MSH3: variants seen among roughly 807,000 people sequenced by gnomAD.
The protein encoded by MSH3 is mutS homolog 3.
In MSH3, 106 loss-of-function variants were observed where a neutral mutation model predicts 123.3. That is an observed-to-expected ratio of 0.86 (90% CI 0.73 to 1.01). The LOEUF is 1.01. Ranked by LOEUF, MSH3 falls within the 50% of genes least tolerant of loss-of-function variation. MSH3 has a pLI of 0.00. For synonymous variants in MSH3, 515 were observed against 481.4 expected, an observed-to-expected ratio of 1.07 and a Z score of -0.91; for missense variants, 1,459 against 1,347.6, an observed-to-expected ratio of 1.08 and a Z score of -1.29.
intron 17 of MSH3, among the ~76,000 whole-genome samples, chr5:80,785,614 C>A (rs1368461831): frequency 6.6e-6 from 1 of 152,192 alleles, no homozygotes; most frequent in African/African-American, 2.4e-5. Context: ...TGGGTATATA[C>A]CCATGACCCA....
At chr5:80,856,001 C>G (rs191368936) in intron 21 of MSH3, among the ~76,000 whole-genome samples, 1 of 151,420 alleles carries the variant, frequency 6.6e-6, no homozygotes, top group African/African-American at 2.4e-5. Flanking sequence ...CCTTCCACTT[C>G]GGCCTCCCGA....
intron 12 of MSH3, among the ~76,000 whole-genome samples, chr5:80,755,823 A>G (rs895572025): frequency 1.3e-5 from 2 of 152,130 alleles, no homozygotes; most frequent in African/African-American, 4.8e-5. Flanking sequence ...AACGTGAGAC[A>G]CTCAAAGGAC....
intron 2 of MSH3, among the ~76,000 whole-genome samples, chr5:80,661,328 C>G (rs1650683): frequency 6.6e-6 from 1 of 151,888 alleles, no homozygotes; most frequent in African/African-American, 2.4e-5. Context: ...GAGGCTCTTT[C>G]CATTTGTTTT....
chr5:80,675,087 G>A lies in MSH3; in HGVS notation c.1132G>A (p.Val378Ile), dbSNP rs1393216795. The A allele has an allele frequency of 1.9e-6, 3 of 1,613,604 alleles. No individual in the cohort carries two copies. The highest frequency in any genetic ancestry group is 1.3e-5 in the African/African-American group (1 of 74,858). Reference protein sequence around the residue: ...LLCISENKENVRDKKKGNIFI... With the variant: ...LLCISENKENIRDKKKGNIFI... The stretch of plus-strand genomic sequence containing the variant: ...GTGCATCTCTGAAAATAAGGAAAAT[G>A]TTAGGGACAAAAAAAAGGGCAACAT... Residue 378 changes from valine to isoleucine, a missense_variant, in exon 7 of 24, where the codon GTT becomes ATT. Val to Ile is a conservative substitution (Grantham distance 29, BLOSUM62 3). Coordinates refer to ENST00000265081, the MANE Select transcript of MSH3 (RefSeq NM_002439.5).
chr5:80,686,428 G>A (rs756413001), intron 8 of MSH3, among the ~76,000 whole-genome samples: 6 of 151,138 alleles, frequency 4.0e-5, no homozygotes, highest in African/African-American at 9.7e-5. Context: ...TCAGCCTCCC[G>A]AGTAGCTGGG....
At position 80,676,473 on chromosome 5, in the gene MSH3, A is replaced by C. The variant is rs1749841534; in HGVS notation, c.1173+1345A>C. 2.0e-5 allele frequency among the ~76,000 whole-genome samples: 3 copies of C among 152,242 alleles called. No homozygotes were observed. In the South Asian group the frequency reaches 6.2e-4, roughly 31 times the overall value. On this transcript the variant is annotated intron_variant, in intron 7 of 23. Transcript: ENST00000265081. ...CCCTTTTCTGTTGTAAGTTAAGCACAAATGGAACTCTGTCCAAGTGAAAAC... is the reference window on the plus strand; with the variant it reads ...CCCTTTTCTGTTGTAAGTTAAGCACCAATGGAACTCTGTCCAAGTGAAAAC...
chr5:80,830,014 G>T (rs983270866), intron 20 of MSH3, among the ~76,000 whole-genome samples: 1 of 152,024 alleles, frequency 6.6e-6, no homozygotes, highest in African/African-American at 2.4e-5. Flanking sequence ...GAAATTTATG[G>T]CCATAACACT....
At chr5:80,817,376 G>T (rs917694233) in intron 20 of MSH3, among the ~76,000 whole-genome samples, 7 of 152,102 alleles carry the variant, frequency 4.6e-5, no homozygotes, top group African/African-American at 1.7e-4. Flanking sequence ...TTAAAAGAGG[G>T]CTAAAGAGTG....
intron 8 of MSH3, among the ~76,000 whole-genome samples, chr5:80,690,858 T>G (rs1750227656): frequency 1.3e-5 from 2 of 152,258 alleles, no homozygotes. Context: ...CCAGAGTATA[T>G]CACGTGTAGT....
chr5:80,748,350 A>C (rs1580015312), intron 12 of MSH3, among the ~76,000 whole-genome samples: 1 of 152,204 alleles, frequency 6.6e-6, no homozygotes, highest in South Asian at 2.1e-4. Flanking sequence ...GCAAAATTTT[A>C]ATAGTGACTT....
At chr5:80,681,950 ATTT>A (rs1472706056) in intron 8 of MSH3, among the ~76,000 whole-genome samples, 1 of 152,106 alleles carries the variant, frequency 6.6e-6, no homozygotes, top group Non-Finnish European at 1.5e-5. Context: ...CTTTTGTCTT[ATTT>A]TAATTTGAAT....
chr5:80,857,896 C>CT (rs1362097026), intron 21 of MSH3, among the ~76,000 whole-genome samples: 1 of 151,992 alleles, frequency 6.6e-6, no homozygotes, highest in Admixed American at 6.6e-5. Context: ...GATTTCTGCT[C>CT]TAATTTTTAT....
In MSH3 at chr5:80,875,818, G is replaced by C. The variant is rs1580106239; in HGVS notation, c.3370G>C (p.Glu1124Gln). ...TGCACAAGACCTGCAGAAGTGGACA[G>C]AGGAGTTCAACATGGAAGAAACACA... ...HNAQDLQKWTEEFNMEETQTS... is the reference protein window; with the variant it reads ...HNAQDLQKWTQEFNMEETQTS... The change falls in exon 24 of 24, where the codon GAG becomes CAG. Residue 1124 changes from glutamate to glutamine, a missense_variant. Transcript: ENST00000265081. 6.2e-7 allele frequency: 1 copy of C among 1,613,896 alleles called. No individual in the cohort carries two copies. The highest frequency in any genetic ancestry group is 8.5e-7 in the Non-Finnish European group (1 of 1,179,770).
At chr5:80,713,579 C>T (rs1306924383) in intron 8 of MSH3, among the ~76,000 whole-genome samples, 4 of 152,218 alleles carry the variant, frequency 2.6e-5, no homozygotes, top group Middle Eastern at 3.4e-3. Flanking sequence ...GCCTCTGTAG[C>T]GGTCAAGGGA....
intron 8 of MSH3, among the ~76,000 whole-genome samples, chr5:80,719,524 C>T (rs954231707): frequency 6.6e-6 from 1 of 152,158 alleles, no homozygotes; most frequent in African/African-American, 2.4e-5. Context: ...TGTCGACAAT[C>T]CTGGTTCTTA....
chr5:80,726,787 A>G (rs1743309609), intron 9 of MSH3, among the ~76,000 whole-genome samples: 1 of 152,154 alleles, frequency 6.6e-6, no homozygotes, highest in African/African-American at 2.4e-5. Context: ...TCCCACTTCT[A>G]ACACCAGTGT....
intron 12 of MSH3, among the ~76,000 whole-genome samples, chr5:80,758,998 G>C (rs1469563061): frequency 6.6e-6 from 1 of 152,120 alleles, no homozygotes; most frequent in South Asian, 2.1e-4. Context: ...TAACATTTTG[G>C]GTAAATGTTA....
At chr5:80,716,672 A>T (rs992570875) in intron 8 of MSH3, among the ~76,000 whole-genome samples, 1 of 152,216 alleles carries the variant, frequency 6.6e-6, no homozygotes, top group Non-Finnish European at 1.5e-5. Context: ...ACAATGTATA[A>T]TTATAAAATC....
intron 8 of MSH3, among the ~76,000 whole-genome samples, chr5:80,685,855 A>G (rs962084372): frequency 1.3e-5 from 2 of 152,014 alleles, no homozygotes; most frequent in African/African-American, 4.8e-5. Flanking sequence ...TGTTTTCATT[A>G]TCATTTGTTT....
Sources: gnomAD v4.1 joint callset for allele counts (sites outside exome capture counted in the v4.1 genomes callset) on GRCh38, gnomAD v4.1.1 for gene constraint, MANE v1.5 for transcripts, NCBI Gene and HGNC (gene_info 2026-07-23, HGNC 2026-07-21) for gene names.